Variants in KY observed in about 807,000 individuals in gnomAD.
KY encodes kyphoscoliosis peptidase.
In KY, 43 loss-of-function variants were observed where a neutral mutation model predicts 76.1. The observed-to-expected ratio is 0.57, with a 90% CI of 0.44 to 0.73. The LOEUF (loss-of-function observed/expected upper bound fraction) is 0.73, where lower values mean the gene tolerates loss of function less well. Among genes scored for constraint, KY ranks in the 30% least tolerant of loss-of-function variants. The pLI, the probability that KY is intolerant of heterozygous loss-of-function variation, is 0.00. For missense variants in KY, 722 were observed against 828.9 expected (o/e 0.87, Z 1.58); for synonymous variants, 277 against 326.2 (o/e 0.85, Z 1.63).
intron 8 of KY, among the ~76,000 whole-genome samples, chr3:134,617,776 G>C (rs538359668): frequency 2.0e-5 from 3 of 152,336 alleles, no homozygotes; most frequent in South Asian, 2.1e-4. Context: ...CCTGGAAGGA[G>C]CTCTGGGGAG....
Position 134,620,786 on chromosome 3 carries a change from C to G in KY, c.555G>C (p.Arg185Ser), listed in dbSNP as rs768237750. 6.2e-7 allele frequency: 1 copy of G among 1,613,714 alleles called. No individual in the cohort carries two copies. Among genetic ancestry groups the G allele is most frequent in the Admixed American group, 1.7e-5 (1 of 60,000 alleles). The change falls in exon 7 of 11, where the codon AGG becomes AGC. Residue 185 changes from arginine (R) to serine (S), a missense_variant. Arg to Ser is a moderately radical substitution (Grantham distance 110). This residue lies in a region of KY where 552 missense variants were observed against 680.9 expected (regional missense o/e 0.81). Coordinates refer to ENST00000423778, the MANE Select transcript of KY (RefSeq NM_178554.6). The stretch of plus-strand genomic sequence containing the variant: ...AGATCCAGATCCAGATGGCGCGGAC[C>G]CTTTCCAGGTCAGTGTGGGCCTCCT... ...LLQEAHTDLE[R>S]VRAIWIWICH...
At chr3:134,613,808 A>G (rs1960990906) in intron 8 of KY, among the ~76,000 whole-genome samples, 1 of 152,168 alleles carries the variant, frequency 6.6e-6, no homozygotes, top group Admixed American at 6.5e-5. Context: ...CTCATGCAAA[A>G]TCCTCTGTAT....
In KY at chr3:134,650,944, T is replaced by C. The variant is rs1446875999; in HGVS notation, c.17A>G (p.Asp6Gly). The C allele has an allele frequency of 3.7e-6, 6 of 1,613,254 alleles. No individual in the cohort carries two copies. Among genetic ancestry groups the C allele is most frequent in the Admixed American group, 1.7e-5 (1 of 60,012 alleles). ...CATGTCGATAGATACAGCGTTGATGTCCTTCTTCAGCTCCATGATGCCGCC... is the reference window on the plus strand; with the variant it reads ...CATGTCGATAGATACAGCGTTGATGCCCTTCTTCAGCTCCATGATGCCGCC... MELKKDINAVSIDMLL... is the reference protein window; with the variant it reads MELKKGINAVSIDMLL... The change falls in exon 1 of 11, where the codon GAC (aspartate) becomes GGC (glycine). Residue 6 changes from aspartate to glycine, a missense_variant. Coordinates refer to ENST00000423778, the MANE Select transcript of KY (RefSeq NM_178554.6).
intron 4 of KY, chr3:134,629,371 T>C (rs532818898): frequency 2.0e-6 from 1 of 489,110 alleles, no homozygotes; most frequent in Non-Finnish European, 3.7e-6. Context: ...ACTCTTGTGA[T>C]GCAATGTGTC....
At position 134,619,148 on chromosome 3, in the gene KY, C is replaced by T; in HGVS notation, c.710G>A (p.Arg237Lys). The change falls in exon 8 of 11, where the codon AGG becomes AAG. Residue 237 changes from arginine to lysine, a missense_variant and splice_region_variant. By Grantham distance (26) the Arg-to-Lys change is conservative. Coordinates refer to ENST00000423778, the MANE Select transcript of KY (RefSeq NM_178554.6). ...GYAGLFERMC[R>K]LAGVQCMTVP... ...GCATGGGGACTCCTGTCTCTCGTAC[C>T]TGCACATTCTCTCGAAGAGGCCAGC... 1.2e-6 allele frequency: 2 copies of T among 1,612,612 alleles called. No homozygotes were observed. Among genetic ancestry groups the T allele is most frequent in the Non-Finnish European group, 8.5e-7 (1 of 1,178,778 alleles).
At chr3:134,609,832 G>C (rs149742820) in intron 9 of KY, among the ~76,000 whole-genome samples, 2 of 152,354 alleles carry the variant, frequency 1.3e-5, no homozygotes, top group East Asian at 3.9e-4. Flanking sequence ...ATTTGTGCCT[G>C]GTAATGTGGT....
At chr3:134,620,931 C>G (rs923232963) in intron 6 of KY, 74 bp from the exon 7 acceptor site, 6 of 858,300 alleles carry the variant, frequency 7.0e-6, no homozygotes, top group Non-Finnish European at 1.2e-5. Context: ...CTTGCACCTA[C>G]AGCCAGTGCT....
intron 2 of KY, among the ~76,000 whole-genome samples, chr3:134,645,787 G>A (rs992656984): frequency 2.6e-5 from 4 of 152,144 alleles, no homozygotes; most frequent in Admixed American, 1.3e-4. Context: ...CTGACACATA[G>A]TGCTAAGACC....
chr3:134,608,101 T>C, intron 10 of KY: 2 of 1,126,960 alleles, frequency 1.8e-6, no homozygotes, highest in Non-Finnish European at 2.2e-6. Context: ...GGGAGACCCA[T>C]GTTGCTCCCC....
At chr3:134,643,230 T>C (rs1416688715) in intron 3 of KY, 86 bp downstream of exon 3, 3 of 1,324,798 alleles carry the variant, frequency 2.3e-6, no homozygotes, top group Non-Finnish European at 3.2e-6. Context: ...TAGTCTGAGC[T>C]CCACATCCTG....
At chr3:134,609,165 C>G (rs1201520392) in intron 9 of KY, among the ~76,000 whole-genome samples, 1 of 152,228 alleles carries the variant, frequency 6.6e-6, no homozygotes, top group African/African-American at 2.4e-5. Flanking sequence ...GTGGACCACG[C>G]AGTGGGGTCG....
Position 134,643,375 on chromosome 3 carries a change from T to A in KY, c.203A>T (p.Asn68Ile), listed in dbSNP as rs1966005542. The A allele has an allele frequency of 1.2e-6, 2 of 1,613,602 alleles. No individual in the cohort carries two copies. Among genetic ancestry groups the A allele is most frequent in the South Asian group, 1.1e-5 (1 of 91,070 alleles). ...QKLEGNDFHE[N>I]LVEKQHPQQP... ...CTGAGGGTGCTGCTTCTCCACCAAGTTTTCTATTTAAGGAAGACAGAGAGG... is the reference window on the plus strand; with the variant it reads ...CTGAGGGTGCTGCTTCTCCACCAAGATTTCTATTTAAGGAAGACAGAGAGG... The change falls in exon 3 of 11, where the codon AAC becomes ATC. Residue 68 changes from asparagine to isoleucine, a missense_variant. Physicochemically the swap from Asn to Ile is moderately radical, Grantham distance 149. Around this residue, in one of 2 missense-constraint regions of KY, gnomAD observed 170 missense variants for 148.1 expected, o/e 1.15. Transcript: ENST00000423778.
chr3:134,610,542 T>G lies in KY; in HGVS notation c.711-159A>C, dbSNP rs888357239. On this transcript the variant is annotated intron_variant, in intron 8 of 10. Coordinates refer to ENST00000423778, the MANE Select transcript of KY (RefSeq NM_178554.6). Reference sequence around the variant, plus strand: ...CTCACATATAAACAGCCTTGATGGCTTTTATCTCGGGGCACTGGGGACAGG... The same window carrying G: ...CTCACATATAAACAGCCTTGATGGCGTTTATCTCGGGGCACTGGGGACAGG... 8 of 641,138 alleles carry G rather than the reference T, an allele frequency of 1.2e-5. No individual in the cohort carries two copies. In the South Asian group the frequency reaches 1.4e-4, roughly 11 times the overall value. 39.7% of individuals were successfully genotyped at this position (641,138 alleles called of 1,614,324 possible).
chr3:134,617,761 C>T (rs182417982), intron 8 of KY, among the ~76,000 whole-genome samples: 6 of 152,146 alleles, frequency 3.9e-5, no homozygotes, highest in South Asian at 2.1e-4. Flanking sequence ...TGTCCTGGAG[C>T]GGGGCCTGGA....
intron 7 of KY, chr3:134,619,852 A>G (rs950296382): frequency 1.3e-5 from 2 of 152,944 alleles, no homozygotes; most frequent in Non-Finnish European, 2.9e-5. Flanking sequence ...TAAATGTCCC[A>G]TTTCTGACCC....
At chr3:134,624,269 A>G (rs1577690889) in intron 6 of KY, among the ~76,000 whole-genome samples, 1 of 152,066 alleles carries the variant, frequency 6.6e-6, no homozygotes, top group South Asian at 2.1e-4. Flanking sequence ...TGTTTCCTCA[A>G]TGTCTCCACT....
chr3:134,605,976 C>T (rs980883695), intron 10 of KY, among the ~76,000 whole-genome samples: 4 of 152,214 alleles, frequency 2.6e-5, no homozygotes, highest in Non-Finnish European at 5.9e-5. Context: ...CATGCTTTCT[C>T]TACTGCCTTC....
intron 1 of KY, among the ~76,000 whole-genome samples, chr3:134,648,975 G>A (rs894046428): frequency 3.7e-4 from 57 of 152,144 alleles, no homozygotes; most frequent in African/African-American, 1.4e-3. Flanking sequence ...GAACAAGCTG[G>A]TCTTATTGGG....
At chr3:134,610,150 A>G (rs1043214864) in intron 9 of KY, 45 bp downstream of exon 9, 1 of 1,573,778 alleles carries the variant, frequency 6.4e-7, no homozygotes, top group Non-Finnish European at 8.7e-7. Flanking sequence ...CACATCCTCC[A>G]CTTCCACCTG....
Sources: gnomAD v4.1 joint callset for allele counts (sites outside exome capture counted in the v4.1 genomes callset) on GRCh38, gnomAD v4.1.1 for gene constraint, gnomAD v4.1.1 regional missense constraint, MANE v1.5 for transcripts, NCBI Gene and HGNC (gene_info 2026-07-23, HGNC 2026-07-21) for gene names.